FAT2: variants seen among roughly 807,000 people sequenced by gnomAD.
FAT2 encodes the protein protocadherin Fat 2.
In FAT2, 150 loss-of-function variants were observed where a neutral mutation model predicts 295.3. The ratio of observed to expected loss-of-function variants is 0.51; its 90% CI spans 0.44 to 0.58. The LOEUF (loss-of-function observed/expected upper bound fraction) is 0.58. FAT2 is among the 20% of genes least tolerant of loss of function. FAT2 has a pLI of 0.00. For synonymous variants in FAT2, 2,026 were observed against 2,150.3 expected (o/e 0.94, Z 1.60); for missense variants, 4,868 against 5,442.7 (o/e 0.89, Z 3.32).
rs1581375704 is a variant in FAT2, at chr5:151,537,950, G to C, written c.9040-4C>G. 10 of 1,613,236 alleles carry C rather than the reference G, an allele frequency of 6.2e-6. No homozygotes were observed. The highest frequency in any genetic ancestry group is 8.5e-6 in the Non-Finnish European group (10 of 1,179,624). Reference sequence around the variant, plus strand: ...GAACCTTGCCAGTATAGAGAAGCTAGAGATGGAAAGACAAAGAAGAGGGAG... The same window carrying C: ...GAACCTTGCCAGTATAGAGAAGCTACAGATGGAAAGACAAAGAAGAGGGAG... On this transcript the variant is annotated splice_region_variant and splice_polypyrimidine_tract_variant and intron_variant, in intron 11 of 23. Transcript: ENST00000261800.
Position 151,521,996 on chromosome 5 carries a change from G to A in FAT2, c.10597C>T (p.Pro3533Ser). Residue 3533 changes from proline (P) to serine (S), a missense_variant, in exon 19 of 24, where the codon CCA becomes TCA. Transcript: ENST00000261800. Reference protein sequence around the residue: ...EQSHYAPSALPLEIFITVGED... With the variant: ...EQSHYAPSALSLEIFITVGED... ...CCAACAGTGATGAAGATCTCCAGTG[G>A]GAGAGCAGAAGGTGCATAGTGGCTC... is the stretch of plus-strand genomic sequence containing the variant. 1 of 1,614,154 alleles carries A rather than the reference G, an allele frequency of 6.2e-7. No individual in the cohort carries two copies. The highest frequency in any genetic ancestry group is 8.5e-7 in the Non-Finnish European group (1 of 1,180,008).
chr5:151,506,655 T>TATC (rs1760903271), intron 23 of FAT2, among the ~76,000 whole-genome samples: 1 of 152,264 alleles, frequency 6.6e-6, no homozygotes, highest in East Asian at 1.9e-4. Context: ...TGAAAATACC[T>TATC]ATCATAACTG....
In FAT2 at chr5:151,529,119, G is replaced by A. The variant is rs1372765099; in HGVS notation, c.10026+59C>T. 4.2e-6 allele frequency: 6 copies of A among 1,441,594 alleles called. No homozygotes were observed. In the African/African-American group the frequency reaches 8.4e-5, roughly 20 times the overall value. The allele number at this position is 1,441,594 out of a possible 1,614,324, so 89.3% of individuals were successfully genotyped here. A position where few individuals can be genotyped will look rare whatever the true frequency, so the allele number is the denominator to read the frequency against. On this transcript the variant is annotated intron_variant, in intron 15 of 23. Transcript: ENST00000261800. The stretch of plus-strand genomic sequence containing the variant: ...CTCATAGATGGCTGGGTGTGGGGGT[G>A]AGATAAGAACCCATCCCAGAGTTCT...
chr5:151,577,301 A>T (rs1434993289), intron 1 of FAT2, among the ~76,000 whole-genome samples: 1 of 152,226 alleles, frequency 6.6e-6, no homozygotes, highest in Non-Finnish European at 1.5e-5. Context: ...GAAGAAAAGG[A>T]ACAAAGTTGG....
chr5:151,545,949 G>A lies in FAT2; in HGVS notation c.5178C>T (p.Tyr1726=), dbSNP rs574965115. The A allele has an allele frequency of 1.2e-6, 2 of 1,614,140 alleles. No individual in the cohort carries two copies. Among genetic ancestry groups the A allele is most frequent in the Non-Finnish European group, 1.7e-6 (2 of 1,180,020 alleles). The change falls in exon 10 of 24, where the codon TAC becomes TAT. Residue 1726 remains tyrosine, a synonymous_variant. Coordinates refer to ENST00000261800, the MANE Select transcript of FAT2 (RefSeq NM_001447.3). ...KKLDHEKISS[Y]QLKIRGSNMA... ...TATTGCTGCCTCGGATTTTCAGCTG[G>A]TAAGACGAGATTTTCTCATGGTCCA...
Position 151,568,158 on chromosome 5 carries a change from C to T in FAT2, c.774G>A (p.Ser258=), listed in dbSNP as rs3734060. 0.5 allele frequency: 812,823 copies of T among 1,613,732 alleles called. 208,079 individuals carry two copies. The highest frequency in any genetic ancestry group is 0.53 in the Non-Finnish European group (624,083 of 1,179,894). The change falls in exon 2 of 24, where the codon TCG becomes TCA. Residue 258 remains serine, a synonymous_variant. Transcript: ENST00000261800. ...PALRKPPAIA[S]VVVTPPDSND... ...TGCTGTCTGGTGGAGTCACCACCAC[C>T]GAAGCAATGGCTGGGGGCTTCCTGA...
At chr5:151,523,247 A>G (rs1325369698) in intron 18 of FAT2, among the ~76,000 whole-genome samples, 1 of 152,112 alleles carries the variant, frequency 6.6e-6, no homozygotes, top group Non-Finnish European at 1.5e-5. Flanking sequence ...TGTATAGCTA[A>G]CATTAGTTAC....
Position 151,512,522 on chromosome 5 carries a change from G to A in FAT2, c.11548C>T (p.His3850Tyr). Reference sequence around the variant, plus strand: ...TCCACCAGGATGGAGTGCCACTCGTGGTCATTCACATGGCGCTGGGAGGAA... The same window carrying A: ...TCCACCAGGATGGAGTGCCACTCGTAGTCATTCACATGGCGCTGGGAGGAA... ...NLSSQRHVND[H>Y]EWHSILVEEM... Residue 3850 changes from histidine to tyrosine, a missense_variant, in exon 21 of 24, where the codon CAC becomes TAC. By Grantham distance (83) the His-to-Tyr change is moderately conservative. Coordinates refer to ENST00000261800, the MANE Select transcript of FAT2 (RefSeq NM_001447.3). The surrounding 1 kb of genome is among the most constrained non-coding windows in gnomAD (Gnocchi z 4.1). 6.2e-7 allele frequency: 1 copy of A among 1,614,174 alleles called. No individual in the cohort carries two copies. Among genetic ancestry groups the A allele is most frequent in the South Asian group, 1.1e-5 (1 of 91,084 alleles).
intron 20 of FAT2, among the ~76,000 whole-genome samples, chr5:151,515,822 C>T (rs1162854503): frequency 6.6e-6 from 1 of 152,206 alleles, no homozygotes; most frequent in Non-Finnish European, 1.5e-5. Flanking sequence ...AAAGTCGATT[C>T]TCAACAAAGA....
rs765106777 is a variant in FAT2, at chr5:151,565,921, C to T, written c.3011G>A (p.Gly1004Asp). Residue 1004 changes from glycine (G) to aspartate (D), a missense_variant, in exon 2 of 24, where the codon GGT becomes GAT. Transcript: ENST00000261800. ...GYNLSLWASD[G>D]GRPLARRTLC... ...AGTCCTGCGGGCTAGGGGCCTCCCA[C>T]CATCACTGGCCCACAGGCTCAGATT... 6.2e-7 allele frequency: 1 copy of T among 1,614,022 alleles called. No individual in the cohort carries two copies. Among genetic ancestry groups the T allele is most frequent in the South Asian group, 1.1e-5 (1 of 91,070 alleles).
At chr5:151,590,824 A>G (rs1759369945) in intron 1 of FAT2, among the ~76,000 whole-genome samples, 1 of 152,196 alleles carries the variant, frequency 6.6e-6, no homozygotes, top group African/African-American at 2.4e-5. Context: ...ATCTCCAGAA[A>G]GCCCAAGTGG....
Position 151,543,630 on chromosome 5 carries a change from C to G in FAT2, c.7497G>C (p.Lys2499Asn). 2 of 1,614,186 alleles carry G rather than the reference C, an allele frequency of 1.2e-6. No individual in the cohort carries two copies. Among genetic ancestry groups the G allele is most frequent in the Non-Finnish European group, 1.7e-6 (2 of 1,180,038 alleles). Residue 2499 changes from lysine (K) to asparagine (N), a missense_variant, in exon 10 of 24, where the codon AAG becomes AAC. Lys to Asn is a moderately conservative substitution (Grantham distance 94, BLOSUM62 0). Coordinates refer to ENST00000261800, the MANE Select transcript of FAT2 (RefSeq NM_001447.3). ...TGTCTATGGCTAGCAAATCAATCAC[C>G]TTGGTTCCAACCATTGCATTCTCTG... Reference protein sequence around the residue: ...ELAENAMVGTKVIDLLAIDKD... With the variant: ...ELAENAMVGTNVIDLLAIDKD...
Position 151,550,027 on chromosome 5 carries a change from G to A in FAT2, c.4579-522C>T, listed in dbSNP as rs116589771. Among the ~76,000 whole-genome samples, 358 of 152,304 alleles carry A rather than the reference G, an allele frequency of 2.4e-3. 2 individuals carry two copies. The highest frequency in any genetic ancestry group is 8.0e-3 in the African/African-American group (331 of 41,566). On this transcript the variant is annotated intron_variant, in intron 8 of 23. Coordinates refer to ENST00000261800, the MANE Select transcript of FAT2 (RefSeq NM_001447.3). ...TTCCATCATAAATAACTGTATGACAGTGAGGAAGTCTGTCTTTCTCTGTGG... is the reference window on the plus strand; with the variant it reads ...TTCCATCATAAATAACTGTATGACAATGAGGAAGTCTGTCTTTCTCTGTGG...
chr5:151,554,309 G>A (rs1757494276), intron 5 of FAT2, 53 bp downstream of exon 5: 1 of 1,516,684 alleles, frequency 6.6e-7, no homozygotes, highest in South Asian at 1.3e-5. Flanking sequence ...CTCAAAGAAG[G>A]CCACTAACCA....
At chr5:151,553,108 A>G (rs1757367132) in intron 6 of FAT2, 69 bp downstream of exon 6, 1 of 1,488,538 alleles carries the variant, frequency 6.7e-7, no homozygotes, top group African/African-American at 1.4e-5. Flanking sequence ...GGACTGTAGC[A>G]GGAAAACTAG....
chr5:151,549,620 C>T (rs1756992014), intron 8 of FAT2, 115 bp from the exon 9 acceptor site: 1 of 749,724 alleles, frequency 1.3e-6, no homozygotes, highest in African/African-American at 1.7e-5. Flanking sequence ...TTGTAACTAA[C>T]TCCCCATATT....
At chr5:151,571,413 G>A (rs1758518292) in intron 1 of FAT2, among the ~76,000 whole-genome samples, 1 of 152,234 alleles carries the variant, frequency 6.6e-6, no homozygotes, top group East Asian at 1.9e-4. Flanking sequence ...CTGCTGTGTG[G>A]AGAGCTTCCT....
intron 11 of FAT2, among the ~76,000 whole-genome samples, chr5:151,538,235 T>C (rs57973391): frequency 0.13 from 19,887 of 152,002 alleles, 1,572 homozygotes; most frequent in East Asian, 0.38. Flanking sequence ...AATGGAGAAG[T>C]TCTGTCATCC....
intron 3 of FAT2, among the ~76,000 whole-genome samples, chr5:151,561,027 A>G (rs571384088): frequency 1.3e-5 from 2 of 152,312 alleles, no homozygotes; most frequent in African/African-American, 4.8e-5. Context: ...CTAGTGAGGG[A>G]CACAGATGAT....
Sources: allele counts gnomAD v4.1 joint callset (sites outside exome capture counted in the v4.1 genomes callset), GRCh38; gene constraint gnomAD v4.1.1; non-coding constraint Gnocchi (gnomAD v3.1); transcripts MANE v1.5; gene names NCBI Gene and HGNC (gene_info 2026-07-23, HGNC 2026-07-21).